Variants in MED13L observed in about 807,000 individuals in gnomAD.
The protein encoded by MED13L is mediator of RNA polymerase II transcription subunit 13-like.
MED13L carries 7 observed loss-of-function variants against 220.9 expected under a neutral mutation model. The ratio of observed to expected loss-of-function variants is 0.03; its 90% confidence interval spans 0.02 to 0.06. The LOEUF is 0.06. Among genes scored for constraint, MED13L ranks in the 10% least tolerant of loss-of-function variants. The pLI is 1.00. For synonymous variants in MED13L, 1,011 were observed against 1,015.2 expected (o/e 1.00, Z 0.08); for missense variants, 1,965 against 2,760.5 (o/e 0.71, Z 6.46).
At chr12:115,961,587 T>A in intron 30 of MED13L, 189 bp from the exon 31 acceptor site, 1 of 781,648 alleles carries the variant, frequency 1.3e-6, no homozygotes, top group Non-Finnish European at 2.1e-6. Context: ...TCCAGTACAG[T>A]AGCCAGCAGC....
intron 4 of MED13L, among the ~76,000 whole-genome samples, chr12:116,066,117 A>G (rs1869902883): frequency 1.3e-5 from 2 of 151,374 alleles, no homozygotes; most frequent in South Asian, 4.1e-4. Context: ...ACACATACAT[A>G]CACACACACA....
chr12:115,997,568 C>T (rs1202629468), intron 14 of MED13L, among the ~76,000 whole-genome samples: 1 of 152,162 alleles, frequency 6.6e-6, no homozygotes, highest in African/African-American at 2.4e-5. Context: ...ACTATAGGCA[C>T]GTGCCACCAT....
intron 2 of MED13L, among the ~76,000 whole-genome samples, chr12:116,151,099 G>A (rs188065427): frequency 2.0e-5 from 3 of 152,142 alleles, no homozygotes; most frequent in Admixed American, 6.5e-5. Context: ...AGAAGATTAA[G>A]AGGGGGGAAA....
Position 115,971,347 on chromosome 12 carries a change from G to A in MED13L, c.5891-577C>T, listed in dbSNP as rs137974675. Among the ~76,000 whole-genome samples the A allele has an allele frequency of 3.4e-3, 517 of 152,264 alleles. 5 individuals are homozygous for A. Among genetic ancestry groups the A allele is most frequent in the Middle Eastern group, 0.02 (6 of 294 alleles). On this transcript the variant is annotated intron_variant, in intron 26 of 30. Coordinates refer to ENST00000281928, the MANE Select transcript of MED13L (RefSeq NM_015335.5). ...ACAGAGGTAACCTATAGTCTAATGA[G>A]GACATCTGTCTCTCACTGGATTGAT... is the stretch of plus-strand genomic sequence containing the variant.
At chr12:115,963,182 GCAACTA>G (rs1298517690) in intron 30 of MED13L, among the ~76,000 whole-genome samples, 1 of 152,070 alleles carries the variant, frequency 6.6e-6, no homozygotes, top group Non-Finnish European at 1.5e-5. Context: ...GGAAGCAAAG[GCAACTA>G]TAAATGCCTA....
At chr12:116,035,892 A>G (rs1394306235) in intron 4 of MED13L, among the ~76,000 whole-genome samples, 1 of 152,148 alleles carries the variant, frequency 6.6e-6, no homozygotes, top group African/African-American at 2.4e-5. Context: ...CTATGTTCTA[A>G]TAGGGAAAGA....
At chr12:116,218,396 T>G (rs1883124613) in intron 2 of MED13L, among the ~76,000 whole-genome samples, 1 of 152,178 alleles carries the variant, frequency 6.6e-6, no homozygotes, top group African/African-American at 2.4e-5. Context: ...CAAAGATTCC[T>G]GCAATGCCAA....
At chr12:116,230,446 T>C (rs1273093613) in intron 2 of MED13L, 1 of 977,700 alleles carries the variant, frequency 1.0e-6, no homozygotes, top group Non-Finnish European at 1.2e-6. Context: ...TCAGGTGCAC[T>C]GTGATACCAA....
chr12:116,019,094 A>G (rs926530855), intron 7 of MED13L, 130 bp downstream of exon 7: 31 of 866,756 alleles, frequency 3.6e-5, no homozygotes, highest in Non-Finnish European at 5.1e-5. Flanking sequence ...ATTTTGTAAT[A>G]TCCTTACGTT....
At chr12:116,251,971 T>C (rs1269522350) in intron 1 of MED13L, among the ~76,000 whole-genome samples, 2 of 151,458 alleles carry the variant, frequency 1.3e-5, no homozygotes, top group African/African-American at 4.9e-5. Context: ...ATGATAAAAA[T>C]GTCAATTCTT....
chr12:115,964,585 G>A (rs1876010236), intron 29 of MED13L, among the ~76,000 whole-genome samples: 1 of 151,946 alleles, frequency 6.6e-6, no homozygotes, highest in Non-Finnish European at 1.5e-5. Context: ...AATGATGACT[G>A]ATTTTTTGTT....
intron 2 of MED13L, chr12:116,174,677 C>T (rs904443776): frequency 1.3e-5 from 2 of 152,154 alleles, no homozygotes; most frequent in African/African-American, 4.8e-5. Flanking sequence ...GCTGCCAACA[C>T]CTATCTGAAC....
In MED13L at chr12:116,009,114, A is replaced by G; in HGVS notation, c.1299T>C (p.Arg433=). 1 of 1,614,074 alleles carries G rather than the reference A, an allele frequency of 6.2e-7. No individual in the cohort carries two copies. The highest frequency in any genetic ancestry group is 1.3e-5 in the African/African-American group (1 of 75,040). Residue 433 remains arginine, a synonymous_variant, in exon 10 of 31, where the codon CGT becomes CGC. Transcript: ENST00000281928. The part of the protein sequence containing the change: ...CSCSRHKLLK[R]CAVGPNRPPT... ...GAGGTCGATTGGGCCCGACTGCACA[A>G]CGTTTTAAAAGCTTATGCCTAAAAT...
intron 2 of MED13L, among the ~76,000 whole-genome samples, chr12:116,156,680 C>T (rs1336450185): frequency 6.6e-6 from 1 of 152,142 alleles, no homozygotes; most frequent in Non-Finnish European, 1.5e-5. Context: ...GCTCAGAGTT[C>T]TCAAAATGCA....
At chr12:115,993,474 A>G in intron 16 of MED13L, among the ~76,000 whole-genome samples, 1 of 152,180 alleles carries the variant, frequency 6.6e-6, no homozygotes, top group East Asian at 1.9e-4. Context: ...CTATGCCTAA[A>G]CTACCAGCCT....
At chr12:116,137,608 C>G (rs1404852041) in intron 2 of MED13L, among the ~76,000 whole-genome samples, 2 of 151,872 alleles carry the variant, frequency 1.3e-5, no homozygotes, top group Admixed American at 6.6e-5. Context: ...TGAGGTACTC[C>G]AAGTGACATT....
chr12:116,155,950 T>C (rs928153227), intron 2 of MED13L, among the ~76,000 whole-genome samples: 1 of 152,118 alleles, frequency 6.6e-6, no homozygotes, highest in African/African-American at 2.4e-5. Flanking sequence ...GAAAATATCA[T>C]TTCCATTATT....
At chr12:116,088,229 C>T (rs1482125395) in intron 4 of MED13L, among the ~76,000 whole-genome samples, 1 of 152,030 alleles carries the variant, frequency 6.6e-6, no homozygotes, top group Non-Finnish European at 1.5e-5. Context: ...AACAGAAACC[C>T]GACCTTGGTT....
intron 16 of MED13L, among the ~76,000 whole-genome samples, chr12:115,992,318 T>C (rs1413485775): frequency 6.6e-6 from 1 of 152,176 alleles, no homozygotes; most frequent in Non-Finnish European, 1.5e-5. Context: ...TAAATGGAAC[T>C]TCAACCATAA....
Sources: allele counts gnomAD v4.1 joint callset (sites outside exome capture counted in the v4.1 genomes callset), GRCh38; gene constraint gnomAD v4.1.1; transcripts MANE v1.5; gene names NCBI Gene and HGNC (gene_info 2026-07-23, HGNC 2026-07-21).